The following RAD50 variants were observed in gnomAD, a reference collection of about 807,000 sequenced individuals.
RAD50 encodes the protein DNA repair protein RAD50.
A neutral mutation model predicts 168.8 loss-of-function variants in RAD50; 132 were observed. The observed-to-expected ratio is 0.78, with a 90% CI of 0.68 to 0.90. The LOEUF (loss-of-function observed/expected upper bound fraction) is 0.90. Ranked by LOEUF, RAD50 falls within the 40% of genes least tolerant of loss-of-function variation. RAD50 has a pLI of 0.00. For synonymous variants in RAD50, 525 were observed against 497.4 expected, an observed-to-expected ratio of 1.06 and a Z score of -0.74; for missense variants, 1,347 against 1,534.4, an observed-to-expected ratio of 0.88 and a Z score of 2.04.
intron 21 of RAD50, among the ~76,000 whole-genome samples, chr5:132,629,822 T>A (rs1751432039): frequency 6.6e-6 from 1 of 152,120 alleles, no homozygotes; most frequent in Non-Finnish European, 1.5e-5. Context: ...TTAGTAATCA[T>A]CTAAAAACAT....
In RAD50 at chr5:132,587,500, T is replaced by G; in HGVS notation, c.757-62T>G. On this transcript the variant is annotated intron_variant, in intron 5 of 24. Transcript: ENST00000378823. The stretch of plus-strand genomic sequence containing the variant: ...CTGGACCTGGAGTATCTTACTTGTC[T>G]TCATCTATCAGCCATGTAAGCTATA... 1.9e-6 allele frequency: 3 copies of G among 1,592,362 alleles called. No homozygotes were observed. The South Asian group carries it at 3.4e-5, about 18-fold the overall frequency.
intron 13 of RAD50, among the ~76,000 whole-genome samples, chr5:132,598,318 G>A (rs529711974): frequency 6.6e-6 from 1 of 152,262 alleles, no homozygotes; most frequent in African/African-American, 2.4e-5. Flanking sequence ...CCAAAGTGCT[G>A]GGATTACAGG....
chr5:132,558,353 ATT>A (rs202247329), intron 1 of RAD50, among the ~76,000 whole-genome samples: 1,531 of 152,202 alleles, frequency 0.01, 28 homozygotes, highest in African/African-American at 0.035. Context: ...TAGTTGTCTG[ATT>A]GTTTGCGAGT....
At chr5:132,617,398 G>A (rs1172345957) in intron 20 of RAD50, among the ~76,000 whole-genome samples, 2 of 152,132 alleles carry the variant, frequency 1.3e-5, no homozygotes, top group Non-Finnish European at 2.9e-5. Context: ...ACTCTGTAAG[G>A]ATGCCCATAA....
Position 132,640,792 on chromosome 5 carries a change from C to T in RAD50, c.3739C>T (p.His1247Tyr). 6.2e-7 allele frequency: 1 copy of T among 1,613,238 alleles called. No homozygotes were observed. Among genetic ancestry groups the T allele is most frequent in the Non-Finnish European group, 8.5e-7 (1 of 1,179,476 alleles). Residue 1247 changes from histidine (H) to tyrosine (Y), a missense_variant, in exon 24 of 25, where the codon CAT becomes TAT. By Grantham distance (83) the His-to-Tyr change is moderately conservative. Coordinates refer to ENST00000378823, the MANE Select transcript of RAD50 (RefSeq NM_005732.4). ...LDRENIESLA[H>Y]ALVEIIKSRS... is the part of the protein sequence containing the mutation. ...CCGAGAAAACATTGAATCTCTTGCA[C>T]ATGCTCTGGTTGAGTAAGTATCTCT...
chr5:132,590,126 A>T (rs185746466), intron 9 of RAD50, among the ~76,000 whole-genome samples: 1 of 152,224 alleles, frequency 6.6e-6, no homozygotes, highest in African/African-American at 2.4e-5. Flanking sequence ...ATAGAAATGT[A>T]CATTCAAAAC....
At chr5:132,620,474 TAG>T (rs1450199076) in intron 21 of RAD50, among the ~76,000 whole-genome samples, 2 of 152,214 alleles carry the variant, frequency 1.3e-5, no homozygotes, top group African/African-American at 4.8e-5. Context: ...TAATTACATA[TAG>T]CAGAATTTTC....
Position 132,592,002 on chromosome 5 carries a change from T to A in RAD50, c.1761T>A (p.Ile587=), listed in dbSNP as rs775455085. Residue 587 remains isoleucine (I), a synonymous_variant, in exon 11 of 25, where the codon ATT becomes ATA. Coordinates refer to ENST00000378823, the MANE Select transcript of RAD50 (RefSeq NM_005732.4). The part of the protein sequence containing the change: ...EDWLHSKSKE[I]NQTRDRLAKL... ...GGCTACATAGTAAATCAAAAGAAAT[T>A]AATCAGACCAGGGACAGACTTGCCA... 1.9e-6 allele frequency: 3 copies of A among 1,613,128 alleles called. No homozygotes were observed. The Admixed American group carries it at 5.0e-5, about 27-fold the overall frequency.
Position 132,594,246 on chromosome 5 carries a change from AAAT to A in RAD50, c.1794-621_1794-619del, listed in dbSNP as rs559436109. 2.9e-3 allele frequency among the ~76,000 whole-genome samples: 438 copies of A among 152,358 alleles called. 1 individual carries two copies. The highest frequency in any genetic ancestry group is 4.8e-3 in the South Asian group (23 of 4,830). ...CCGTCTATTCTGTTTCATTTTTAAA[AAAT>A]ATGCTGAATACATTAAATTGATTAC... is the stretch of plus-strand genomic sequence containing the variant. On this transcript the variant is annotated intron_variant, in intron 11 of 24. Transcript: ENST00000378823.
At chr5:132,572,227 T>A (rs1466491375) in intron 2 of RAD50, among the ~76,000 whole-genome samples, 1 of 152,196 alleles carries the variant, frequency 6.6e-6, no homozygotes, top group Non-Finnish European at 1.5e-5. Context: ...AGTTATTCAT[T>A]CCTGATTAAT....
At chr5:132,639,745 AG>A (rs1751676380) in intron 23 of RAD50, among the ~76,000 whole-genome samples, 1 of 152,192 alleles carries the variant, frequency 6.6e-6, no homozygotes. Context: ...GCAGCCAGCC[AG>A]GGGCTCTGCA....
At chr5:132,628,709 G>C (rs1484155362) in intron 21 of RAD50, among the ~76,000 whole-genome samples, 2 of 152,102 alleles carry the variant, frequency 1.3e-5, no homozygotes, top group African/African-American at 4.8e-5. Flanking sequence ...AGCTGGGCCT[G>C]GTGGTGCCTA....
chr5:132,575,688 T>C (rs1281427839), intron 2 of RAD50, 89 bp from the exon 3 acceptor site: 1 of 1,288,900 alleles, frequency 7.8e-7, no homozygotes, highest in African/African-American at 1.5e-5. Flanking sequence ...GTTCCCTCAT[T>C]TTGGGTAAGA....
At chr5:132,637,625 G>A (rs950130371) in intron 22 of RAD50, among the ~76,000 whole-genome samples, 1 of 151,794 alleles carries the variant, frequency 6.6e-6, no homozygotes, top group African/African-American at 2.4e-5. Context: ...CACCTCCTGG[G>A]TTCAGGTGAT....
At chr5:132,570,500 TG>T (rs1257078199) in intron 2 of RAD50, among the ~76,000 whole-genome samples, 5 of 152,258 alleles carry the variant, frequency 3.3e-5, no homozygotes, top group African/African-American at 1.2e-4. Flanking sequence ...CATCAGCACT[TG>T]CTGCTTCACC....
At chr5:132,599,656 C>G (rs189739050) in intron 13 of RAD50, among the ~76,000 whole-genome samples, 4 of 152,064 alleles carry the variant, frequency 2.6e-5, no homozygotes, top group African/African-American at 9.6e-5. Flanking sequence ...CTCCTAAGCT[C>G]AAGCAATCCT....
Position 132,557,184 on chromosome 5 carries a change from C to A in RAD50, c.-141C>A. The A allele has an allele frequency of 2.6e-6, 3 of 1,148,138 alleles. No homozygotes were observed. The highest frequency in any genetic ancestry group is 3.9e-6 in the Non-Finnish European group (3 of 775,064). 71.1% of individuals were successfully genotyped at this position (1,148,138 alleles called of 1,614,324 possible). On this transcript the variant is annotated 5_prime_UTR_variant, in exon 1 of 25. Transcript: ENST00000378823. Reference sequence around the variant, plus strand: ...GCTGTTGGCTGGCAGGATCTTTTGGCAGTCCTGTGGCCTCGCTCCCCGCCC... The same window carrying A: ...GCTGTTGGCTGGCAGGATCTTTTGGAAGTCCTGTGGCCTCGCTCCCCGCCC...
rs1751825399 is a variant in RAD50, at chr5:132,645,220, A to G, written c.*2856A>G. 6.6e-6 allele frequency: 1 copy of G among 152,236 alleles called. No homozygotes were observed. The highest frequency in any genetic ancestry group is 1.5e-5 in the Non-Finnish European group (1 of 68,070). The allele number at this position is 152,236 out of a possible 1,614,324, so 9.4% of individuals were successfully genotyped here. A position where few individuals can be genotyped will look rare whatever the true frequency, so the allele number is the denominator to read the frequency against. ...CCCCAGCAATTCTTTGACCCCACTG[A>G]GATTTCAATCCATTGATTCTATGGC... On this transcript the variant is annotated 3_prime_UTR_variant, in exon 25 of 25. Coordinates refer to ENST00000378823, the MANE Select transcript of RAD50 (RefSeq NM_005732.4).
At chr5:132,572,868 A>T (rs1197257706) in intron 2 of RAD50, among the ~76,000 whole-genome samples, 1 of 152,242 alleles carries the variant, frequency 6.6e-6, no homozygotes, top group Non-Finnish European at 1.5e-5. Flanking sequence ...TTTTAAAGTC[A>T]AGTGATTGAC....
Sources: gnomAD v4.1 joint callset for allele counts (sites outside exome capture counted in the v4.1 genomes callset) on GRCh38, gnomAD v4.1.1 for gene constraint, MANE v1.5 for transcripts, NCBI Gene and HGNC (gene_info 2026-07-23, HGNC 2026-07-21) for gene names.